Variants in CEP295NL observed in about 807,000 individuals in gnomAD.
The protein encoded by CEP295NL is protein DDC8 homolog.
CEP295NL carries 3 observed loss-of-function variants against 4.6 expected under a neutral mutation model. That is an observed-to-expected ratio of 0.65 (90% CI 0.30 to 1.69). The LOEUF (loss-of-function observed/expected upper bound fraction) is 1.69. Among genes scored for constraint, CEP295NL ranks in the 40% most tolerant of loss-of-function variants. The pLI is 0.10. For synonymous variants in CEP295NL, 295 were observed against 312.2 expected, an observed-to-expected ratio of 0.94 and a Z score of 0.58; for missense variants, 719 against 769.0, an observed-to-expected ratio of 0.93 and a Z score of 0.77.
rs1352438898 is a variant in CEP295NL, at chr17:78,891,468, CA to C, written c.1035del (p.Phe345LeufsTer7). 2.6e-6 allele frequency: 4 copies of C among 1,551,170 alleles called. No individual in the cohort carries two copies. Among genetic ancestry groups the C allele is most frequent in the Non-Finnish European group, 3.5e-6 (4 of 1,147,120 alleles). On this transcript the variant is annotated frameshift_variant, in exon 3 of 3. Transcript: ENST00000322630. LOFTEE classifies it low-confidence loss of function (END_TRUNC). This position sits in a 1 kb window ranked among gnomAD's most constrained non-coding sequence, Gnocchi z 4.5. ...TTTCTGTTTATATTAAACAACTCTTCAAAGGCCAACTCCAGCTCTTTCTGCC... is the reference window on the plus strand; with the variant it reads ...TTTCTGTTTATATTAAACAACTCTTCAAGGCCAACTCCAGCTCTTTCTGCC... ...NKWQKELELA[F>X]EELFNINRKL...
chr17:78,898,914 T>G (rs1231371392), intron 2 of CEP295NL: 1 of 152,192 alleles, frequency 6.6e-6, no homozygotes, highest in Non-Finnish European at 1.5e-5. Context: ...ATTTTTGTAT[T>G]TTTAGTAGAG....
rs746995895 is a variant in CEP295NL at position 78,891,799 on chromosome 17, A to T, written c.705T>A (p.Gly235=). Residue 235 remains glycine, a synonymous_variant, in exon 3 of 3, where the codon GGT becomes GGA. Coordinates refer to ENST00000322630, the MANE Select transcript of CEP295NL (RefSeq NM_001243540.2). The surrounding 1 kb of genome is among the most constrained non-coding windows in gnomAD (Gnocchi z 4.5). ...GRPEPSTKSG[G]GRCAIHPRRS... ...TCCGAGGATGGATGGCACAGCGGCC[A>T]CCCCCAGACTTGGTCGAAGGTTCTG... 6.4e-7 allele frequency: 1 copy of T among 1,550,870 alleles called. No individual in the cohort carries two copies. The highest frequency in any genetic ancestry group is 1.4e-5 in the African/African-American group (1 of 73,128).
In CEP295NL at chr17:78,896,147, T is replaced by C. The variant is rs143192822; in HGVS notation, c.45-3688A>G. On this transcript the variant is annotated intron_variant, in intron 2 of 2. Coordinates refer to ENST00000322630, the MANE Select transcript of CEP295NL (RefSeq NM_001243540.2). The surrounding 1 kb of genome is among the most constrained non-coding windows in gnomAD (Gnocchi z 4.4). ...TCTGACACCATCAGATGCAACCTCGTCCCCGCTACCCCAGCTCTCCTTGCT... is the reference window on the plus strand; with the variant it reads ...TCTGACACCATCAGATGCAACCTCGCCCCCGCTACCCCAGCTCTCCTTGCT... 8.6e-4 allele frequency among the ~76,000 whole-genome samples: 131 copies of C among 152,284 alleles called. No homozygotes were observed. The East Asian group carries it at 0.023, about 27-fold the overall frequency.
At chr17:78,892,959 G>T (rs1238136884) in intron 2 of CEP295NL, among the ~76,000 whole-genome samples, 1 of 152,160 alleles carries the variant, frequency 6.6e-6, no homozygotes, top group African/African-American at 2.4e-5. Context: ...ATTGAGAAGA[G>T]CAGGTGGAAG....
At chr17:78,893,514 C>T (rs57628630) in intron 2 of CEP295NL, among the ~76,000 whole-genome samples, 1,662 of 147,118 alleles carry the variant, frequency 0.011, 27 homozygotes, top group African/African-American at 0.041. Flanking sequence ...GGGGTGTGTG[C>T]GTGTGCACAT....
At chr17:78,894,190 C>A (rs1403836349) in intron 2 of CEP295NL, among the ~76,000 whole-genome samples, 1 of 151,030 alleles carries the variant, frequency 6.6e-6, no homozygotes, top group African/African-American at 2.4e-5. Context: ...ATACGAAGCT[C>A]CTACCCCCCC....
In CEP295NL at chr17:78,891,079, G is replaced by A. The variant is rs1419127487; in HGVS notation, c.1425C>T (p.Pro475=). ...LYSTESGQET[P]KLGTLAEGSL... The stretch of plus-strand genomic sequence containing the variant: ...AGCCCTCTGCCAGCGTGCCCAGTTT[G>A]GGGGTCTCTTGTCCAGATTCAGTGC... Residue 475 remains proline (P), a synonymous_variant, in exon 3 of 3, where the codon CCC becomes CCT. Transcript: ENST00000322630. This position sits in a 1 kb window ranked among gnomAD's most constrained non-coding sequence, Gnocchi z 4.5. 18 of 1,550,966 alleles carry A rather than the reference G, an allele frequency of 1.2e-5. No individual in the cohort carries two copies. Among genetic ancestry groups the A allele is most frequent in the Non-Finnish European group, 1.6e-5 (18 of 1,147,070 alleles).
chr17:78,890,757 C>G lies in CEP295NL; in HGVS notation c.1747G>C (p.Asp583His). The G allele has an allele frequency of 6.4e-7, 1 of 1,550,620 alleles. No homozygotes were observed. The highest frequency in any genetic ancestry group is 2.0e-5 in the Admixed American group (1 of 51,000). ...TCTCGGATCATCTGACTGTGCCGGT[C>G]GTCGTCGGCGAGGCTGGTGCCCGAT... Reference protein sequence around the residue: ...SPSGTSLADDDRHSQMIRDQQ... With the variant: ...SPSGTSLADDHRHSQMIRDQQ... The change falls in exon 3 of 3, where the codon GAC (aspartate) becomes CAC (histidine). Residue 583 changes from aspartate to histidine, a missense_variant. Physicochemically the swap from Asp to His is moderately conservative, Grantham distance 81 (BLOSUM62 -1). Coordinates refer to ENST00000322630, the MANE Select transcript of CEP295NL (RefSeq NM_001243540.2).
At chr17:78,898,198 A>C (rs1214539570) in intron 2 of CEP295NL, 1 of 152,164 alleles carries the variant, frequency 6.6e-6, no homozygotes, top group Non-Finnish European at 1.5e-5. Context: ...ACCTCTCTCC[A>C]TCTCACCGCC....
chr17:78,896,112 C>T lies in CEP295NL; in HGVS notation c.45-3653G>A, dbSNP rs746630156. ...GCAGCCAGCTCCATCCTTCAGGAAT[C>T]GATCCCCGCTCTGACACCATCAGAT... is the stretch of plus-strand genomic sequence containing the variant. On this transcript the variant is annotated intron_variant, in intron 2 of 2. Coordinates refer to ENST00000322630, the MANE Select transcript of CEP295NL (RefSeq NM_001243540.2). The surrounding 1 kb of genome is among the most constrained non-coding windows in gnomAD (Gnocchi z 4.4). Among the ~76,000 whole-genome samples the T allele has an allele frequency of 1.3e-5, 2 of 152,230 alleles. No individual in the cohort carries two copies. Among genetic ancestry groups the T allele is most frequent in the African/African-American group, 4.8e-5 (2 of 41,462 alleles).
chr17:78,898,681 CAGTT>C (rs924439886), intron 2 of CEP295NL: 4 of 152,204 alleles, frequency 2.6e-5, no homozygotes, highest in South Asian at 2.1e-4. Context: ...ATCTTGTTAA[CAGTT>C]AGGCTCTGAT....
At chr17:78,898,124 C>T (rs770078626) in intron 2 of CEP295NL, 9 of 152,264 alleles carry the variant, frequency 5.9e-5, no homozygotes, top group Non-Finnish European at 1.2e-4. Context: ...GGTTTGAATC[C>T]AGACATCACA....
At chr17:78,902,463 G>A (rs112921773) in intron 1 of CEP295NL, among the ~76,000 whole-genome samples, 12,491 of 152,244 alleles carry the variant, frequency 0.082, 527 homozygotes, top group Middle Eastern at 0.13. Context: ...GGTGGGTCAC[G>A]TTAGAATGAG....
rs2069945662 is a variant in CEP295NL at position 78,893,412 on chromosome 17, C to T, written c.45-953G>A. On this transcript the variant is annotated intron_variant, in intron 2 of 2. Coordinates refer to ENST00000322630, the MANE Select transcript of CEP295NL (RefSeq NM_001243540.2). ...GGGTGTGTATGCAGGGGTGTGTGTG[C>T]ATAGGGGTGTGTGTGCAGGGGTGTG... Among the ~76,000 whole-genome samples, 5 of 65,808 alleles carry T rather than the reference C, an allele frequency of 7.6e-5. No individual in the cohort carries two copies. In the Middle Eastern group the frequency reaches 0.036, roughly 470 times the overall value. The allele number at this position is 65,808 out of a possible 152,430, so 43.2% of individuals were successfully genotyped here. A position where few individuals can be genotyped will look rare whatever the true frequency, so the allele number is the denominator to read the frequency against.
intron 2 of CEP295NL, among the ~76,000 whole-genome samples, chr17:78,895,350 T>C (rs2069982287): frequency 6.6e-6 from 1 of 152,210 alleles, no homozygotes; most frequent in South Asian, 2.1e-4. Context: ...AACATAGATG[T>C]GTGGCTAATA....
chr17:78,891,225 T>C lies in CEP295NL; in HGVS notation c.1279A>G (p.Met427Val). The C allele has an allele frequency of 1.3e-6, 2 of 1,550,706 alleles. No individual in the cohort carries two copies. Among genetic ancestry groups the C allele is most frequent in the South Asian group, 2.4e-5 (2 of 84,066 alleles). ...TATTTTTGGTTCTGGGCCTTGCCCA[T>C]GAACGTTTTCAAGTCGGTCTTGGAC... ...AASKTDLKTF[M>V]GKAQNQKYQG... is the part of the protein sequence containing the mutation. The change falls in exon 3 of 3, where the codon ATG becomes GTG. Residue 427 changes from methionine to valine, a missense_variant. Coordinates refer to ENST00000322630, the MANE Select transcript of CEP295NL (RefSeq NM_001243540.2). The surrounding 1 kb of genome is among the most constrained non-coding windows in gnomAD (Gnocchi z 4.5).
At position 78,891,891 on chromosome 17, in the gene CEP295NL, G is replaced by A. The variant is rs1310160519; in HGVS notation, c.613C>T (p.Gln205Ter). 1 of 1,550,638 alleles carries A rather than the reference G, an allele frequency of 6.4e-7. No individual in the cohort carries two copies. Among genetic ancestry groups the A allele is most frequent in the South Asian group, 1.2e-5 (1 of 84,062 alleles). ...RKTAASPEKP[Q>*]TTKATGRMNS... ...ATCCGACCCGTGGCTTTTGTAGTCTGTGGTTTCTCTGGACTCGCTGCTGTC... is the reference window on the plus strand; with the variant it reads ...ATCCGACCCGTGGCTTTTGTAGTCTATGGTTTCTCTGGACTCGCTGCTGTC... Residue 205 changes from glutamine (Q) to a stop codon, truncating the protein, a stop_gained, in exon 3 of 3, where the codon CAG (glutamine) becomes TAG (stop). Coordinates refer to ENST00000322630, the MANE Select transcript of CEP295NL (RefSeq NM_001243540.2). LOFTEE classifies it low-confidence loss of function (END_TRUNC). The surrounding 1 kb of genome is among the most constrained non-coding windows in gnomAD (Gnocchi z 4.5).
rs1351191013 is a variant in CEP295NL at position 78,891,841 on chromosome 17, C to T, written c.663G>A (p.Glu221=). 3.9e-6 allele frequency: 6 copies of T among 1,550,628 alleles called. No individual in the cohort carries two copies. The African/African-American group carries it at 4.1e-5, about 11-fold the overall frequency. The stretch of plus-strand genomic sequence containing the variant: ...AAGGTTCTGGCCTTCCCTTTCTCTT[C>T]TCAGGCGGGGCCAGGTGAGAATTCA... ...GRMNSHLAPP[E]KRKGRPEPST... Residue 221 remains glutamate, a synonymous_variant, in exon 3 of 3, where the codon GAG becomes GAA. Coordinates refer to ENST00000322630, the MANE Select transcript of CEP295NL (RefSeq NM_001243540.2). The surrounding 1 kb of genome is among the most constrained non-coding windows in gnomAD (Gnocchi z 4.5).
chr17:78,898,386 G>C (rs947214673), intron 2 of CEP295NL: 1 of 152,276 alleles, frequency 6.6e-6, no homozygotes, highest in Non-Finnish European at 1.5e-5. Context: ...GGAGGTCAGA[G>C]CTGGAAACCA....
Sources: allele counts gnomAD v4.1 joint callset (sites outside exome capture counted in the v4.1 genomes callset), GRCh38; gene constraint gnomAD v4.1.1; non-coding constraint Gnocchi (gnomAD v3.1); transcripts MANE v1.5; gene names NCBI Gene and HGNC (gene_info 2026-07-23, HGNC 2026-07-21).